PAX7: variants seen among roughly 807,000 people sequenced by gnomAD.
The protein encoded by PAX7 is paired box 7.
A neutral mutation model predicts 50.7 loss-of-function variants in PAX7; 18 were observed. The observed-to-expected ratio is 0.36, with a 90% CI of 0.25 to 0.53. PAX7 has a LOEUF of 0.53. PAX7 is among the 20% of genes least tolerant of loss of function. PAX7 has a pLI of 0.93. For missense variants in PAX7, 644 were observed against 702.9 expected (o/e 0.92, Z 0.95); for synonymous variants, 310 against 290.4 (o/e 1.07, Z -0.69).
At chr1:18,689,483 C>T (rs1463611071) in intron 4 of PAX7, among the ~76,000 whole-genome samples, 1 of 152,058 alleles carries the variant, frequency 6.6e-6, no homozygotes, top group Non-Finnish European at 1.5e-5. Context: ...GGTCTCTGCC[C>T]TTGGGGATGA....
intron 4 of PAX7, among the ~76,000 whole-genome samples, chr1:18,655,343 T>C (rs1277992972): frequency 4.6e-5 from 7 of 152,124 alleles, no homozygotes; most frequent in African/African-American, 2.4e-5. Context: ...GCAATCAATA[T>C]GCAAACAAGT....
rs546444841 is a variant in PAX7, at chr1:18,631,452, G to C, written c.-152G>C. The C allele has an allele frequency of 1.3e-4, 83 of 658,192 alleles. No homozygotes were observed. In the African/African-American group the frequency reaches 1.3e-3, roughly 11 times the overall value. 40.8% of individuals were successfully genotyped at this position (658,192 alleles called of 1,614,324 possible). ...GTTTGACTGCAGCCAGGGGTGGGGG[G>C]TGGGGGTAGGGAGTGTGTGTGGAGG... On this transcript the variant is annotated 5_prime_UTR_variant, in exon 1 of 9. Transcript: ENST00000420770.
At position 18,683,365 on chromosome 1, in the gene PAX7, T is replaced by C. The variant is rs1190186488; in HGVS notation, c.587-8389T>C. On this transcript the variant is annotated intron_variant, in intron 4 of 8. Coordinates refer to ENST00000420770, the MANE Select transcript of PAX7 (RefSeq NM_001135254.2). ...AATTTCGTTTTCTTTGAACATTCAGTTGTTACCAACCCAGCACTACTTTAT... is the reference window on the plus strand; with the variant it reads ...AATTTCGTTTTCTTTGAACATTCAGCTGTTACCAACCCAGCACTACTTTAT... 2.0e-5 allele frequency among the ~76,000 whole-genome samples: 3 copies of C among 152,166 alleles called. No homozygotes were observed. In the East Asian group the frequency reaches 5.8e-4, roughly 29 times the overall value.
At chr1:18,688,406 C>T (rs766508957) in intron 4 of PAX7, among the ~76,000 whole-genome samples, 9 of 152,188 alleles carry the variant, frequency 5.9e-5, no homozygotes, top group African/African-American at 1.4e-4. Flanking sequence ...CCACCAGCCA[C>T]GTGTGACTAT....
chr1:18,665,108 G>A (rs1371247081), intron 4 of PAX7, among the ~76,000 whole-genome samples: 11 of 152,168 alleles, frequency 7.2e-5, no homozygotes, highest in Admixed American at 7.2e-4. Flanking sequence ...ATGATGTGAT[G>A]TGTGCACACA....
intron 4 of PAX7, among the ~76,000 whole-genome samples, chr1:18,653,111 T>A (rs1013217447): frequency 5.3e-5 from 8 of 152,200 alleles, no homozygotes; most frequent in African/African-American, 1.9e-4. Context: ...GGGAATGGCC[T>A]TCCCTGTCTC....
At position 18,726,274 on chromosome 1, in the gene PAX7, AC is replaced by A; in HGVS notation, c.1156-9354del. On this transcript the variant is annotated intron_variant, in intron 7 of 8. Coordinates refer to ENST00000420770, the MANE Select transcript of PAX7 (RefSeq NM_001135254.2). The surrounding 1 kb of genome is among the most constrained non-coding windows in gnomAD (Gnocchi z 4.8). ...AGTCCTTAACTAAAAGCCTCCAAGG[AC>A]CCCTGGAATGGGGAGGGGGCACTTA... Among the ~76,000 whole-genome samples, 1 of 152,038 alleles carries A rather than the reference AC, an allele frequency of 6.6e-6. No individual in the cohort carries two copies. The highest frequency in any genetic ancestry group is 2.1e-4 in the South Asian group (1 of 4,810).
intron 4 of PAX7, among the ~76,000 whole-genome samples, chr1:18,684,962 G>A (rs868686045): frequency 2.0e-5 from 3 of 152,252 alleles, no homozygotes; most frequent in South Asian, 2.1e-4. Flanking sequence ...CTGTGAGCTG[G>A]GTAGATTCAG....
intron 4 of PAX7, among the ~76,000 whole-genome samples, chr1:18,687,017 A>G (rs1289656497): frequency 6.6e-6 from 1 of 151,706 alleles, no homozygotes; most frequent in Non-Finnish European, 1.5e-5. Flanking sequence ...CAGCCTCTCA[A>G]GTAGCTGGGA....
chr1:18,736,628 GT>G (rs1553144184), intron 8 of PAX7, among the ~76,000 whole-genome samples: 1 of 152,088 alleles, frequency 6.6e-6, no homozygotes, highest in Non-Finnish European at 1.5e-5. Flanking sequence ...TTGACATCAT[GT>G]GTGTGTTTTA....
chr1:18,737,938 A>G (rs1490736422), intron 8 of PAX7, among the ~76,000 whole-genome samples: 1 of 152,240 alleles, frequency 6.6e-6, no homozygotes, highest in Non-Finnish European at 1.5e-5. Context: ...GTGTATAGCC[A>G]TGCATTGAGG....
intron 4 of PAX7, among the ~76,000 whole-genome samples, chr1:18,670,670 A>G (rs775941547): frequency 1.3e-5 from 2 of 152,104 alleles, no homozygotes; most frequent in Non-Finnish European, 2.9e-5. Context: ...TCACACCAGA[A>G]GCCTTGCTGG....
intron 8 of PAX7, chr1:18,736,205 C>T (rs2089711124): frequency 3.5e-6 from 2 of 571,066 alleles, no homozygotes; most frequent in Admixed American, 3.2e-5. Context: ...TGGCTCATGC[C>T]TGTAATCCCA....
intron 4 of PAX7, among the ~76,000 whole-genome samples, chr1:18,686,898 TA>T (rs201883935): frequency 8.3e-4 from 88 of 105,994 alleles, no homozygotes; most frequent in African/African-American, 2.9e-3. Flanking sequence ...TTATTATTAT[TA>T]TTATTTTTTG....
At chr1:18,648,508 GT>G (rs1272168535) in intron 4 of PAX7, among the ~76,000 whole-genome samples, 1 of 151,858 alleles carries the variant, frequency 6.6e-6, no homozygotes, top group Non-Finnish European at 1.5e-5. Flanking sequence ...CACCTGGCTA[GT>G]TTTTGTGTCT....
chr1:18,646,508 C>T (rs979124649), intron 4 of PAX7, among the ~76,000 whole-genome samples: 2 of 152,000 alleles, frequency 1.3e-5, no homozygotes, highest in Non-Finnish European at 1.5e-5. Flanking sequence ...AAATTAGGGC[C>T]GGGAAAGCGG....
intron 7 of PAX7, among the ~76,000 whole-genome samples, chr1:18,705,873 G>C (rs1213079653): frequency 2.6e-5 from 4 of 152,170 alleles, no homozygotes; most frequent in Admixed American, 2.6e-4. Flanking sequence ...TGATGAATCG[G>C]AGAAGCTCAG....
chr1:18,682,824 G>A (rs1334101926), intron 4 of PAX7, among the ~76,000 whole-genome samples: 1 of 152,186 alleles, frequency 6.6e-6, no homozygotes, highest in South Asian at 2.1e-4. Context: ...GGGGTAGGCA[G>A]GACCTAGGGA....
At chr1:18,657,936 G>A (rs372063734) in intron 4 of PAX7, among the ~76,000 whole-genome samples, 53 of 152,270 alleles carry the variant, frequency 3.5e-4, no homozygotes, top group Non-Finnish European at 5.7e-4. Context: ...CCCAGGGCCC[G>A]CAGGCGACTG....
Sources: allele counts gnomAD v4.1 joint callset (sites outside exome capture counted in the v4.1 genomes callset), GRCh38; gene constraint gnomAD v4.1.1; non-coding constraint Gnocchi (gnomAD v3.1); transcripts MANE v1.5; gene names NCBI Gene and HGNC (gene_info 2026-07-23, HGNC 2026-07-21).